The following DLGAP2 variants were observed in gnomAD, a reference collection of about 807,000 sequenced individuals.
DLGAP2 encodes the protein DLG associated protein 2, also known as disks large-associated protein 2.
In DLGAP2, 26 loss-of-function variants were observed where a neutral mutation model predicts 100.3. The observed-to-expected ratio is 0.26, with a 90% CI of 0.19 to 0.36. The LOEUF (loss-of-function observed/expected upper bound fraction) is 0.36. Among genes scored for constraint, DLGAP2 ranks in the 10% least tolerant of loss-of-function variants. The probability of loss-of-function intolerance (pLI) is 1.00; values close to 1 mark genes in which losing one functional copy is unlikely to be tolerated. For missense variants in DLGAP2, 1,858 were observed against 1,453.2 expected, an observed-to-expected ratio of 1.28 and a Z score of -4.53; for synonymous variants, 886 against 630.1, an observed-to-expected ratio of 1.41 and a Z score of -6.08.
chr8:1,331,911 G>A (rs979316921), intron 3 of DLGAP2, among the ~76,000 whole-genome samples: 3 of 152,196 alleles, frequency 2.0e-5, no homozygotes, highest in Non-Finnish European at 2.9e-5. Context: ...AGGGAGCCAT[G>A]TGTCAGCAAA....
At chr8:1,694,856 CT>C (rs56181723) in intron 13 of DLGAP2, among the ~76,000 whole-genome samples, 7,447 of 148,370 alleles carry the variant, frequency 0.05, 228 homozygotes, top group Non-Finnish European at 0.055. Flanking sequence ...CAACCATTGA[CT>C]TTTTTTTTTT....
chr8:1,183,197 G>C (rs1381681247), intron 2 of DLGAP2, among the ~76,000 whole-genome samples: 11 of 152,174 alleles, frequency 7.2e-5, no homozygotes, highest in Non-Finnish European at 1.6e-4. Context: ...GGAGCCGAGA[G>C]GGCGTCTCGG....
chr8:838,787 C>A (rs1169623432), intron 1 of DLGAP2, among the ~76,000 whole-genome samples: 3 of 152,208 alleles, frequency 2.0e-5, no homozygotes, highest in African/African-American at 7.2e-5. Context: ...GCTTGCACAT[C>A]ATGGCTGACG....
At chr8:1,492,819 T>G in intron 3 of DLGAP2, among the ~76,000 whole-genome samples, 1 of 152,078 alleles carries the variant, frequency 6.6e-6, no homozygotes, top group African/African-American at 2.4e-5. Context: ...AAGGGCTGTG[T>G]ACGACCACGG....
chr8:1,183,895 G>C (rs1412471061), intron 2 of DLGAP2, among the ~76,000 whole-genome samples: 1 of 152,194 alleles, frequency 6.6e-6, no homozygotes, highest in Non-Finnish European at 1.5e-5. Context: ...CTGAGCCTTT[G>C]TCTATTTATC....
At chr8:811,679 G>C (rs374392766) in intron 1 of DLGAP2, among the ~76,000 whole-genome samples, 2 of 143,498 alleles carry the variant, frequency 1.4e-5, no homozygotes, top group Non-Finnish European at 3.0e-5. Flanking sequence ...GGCTCCTGCC[G>C]TGGTGAGAGG....
intron 2 of DLGAP2, among the ~76,000 whole-genome samples, chr8:1,228,065 C>T (rs1286619085): frequency 6.6e-6 from 1 of 151,648 alleles, no homozygotes; most frequent in East Asian, 1.9e-4. Flanking sequence ...ACATCACACA[C>T]TGGGGCCTGT....
chr8:1,258,804 G>A lies in DLGAP2; in HGVS notation c.74-47G>A, dbSNP rs1255546995. The A allele has an allele frequency of 8.9e-6, 11 of 1,230,114 alleles. No individual in the cohort carries two copies. In the Middle Eastern group the frequency reaches 9.3e-4, roughly 104 times the overall value. 76.2% of individuals were successfully genotyped at this position (1,230,114 alleles called of 1,614,324 possible). A position where few individuals can be genotyped will look rare whatever the true frequency, so the allele number is the denominator to read the frequency against. ...GATGTTGAATCTTTTTAACTGCATG[G>A]TTGAGACCCTGTGGGTGTAACAGCT... On this transcript the variant is annotated intron_variant, in intron 2 of 14. Coordinates refer to ENST00000637795, the MANE Select transcript of DLGAP2 (RefSeq NM_001346810.2).
chr8:1,463,101 T>A (rs1308347280), intron 3 of DLGAP2, among the ~76,000 whole-genome samples: 1 of 151,974 alleles, frequency 6.6e-6, no homozygotes, highest in Non-Finnish European at 1.5e-5. Flanking sequence ...ATACAAAAAT[T>A]AGCCTGGCGT....
chr8:1,453,139 G>A (rs907256018), intron 3 of DLGAP2, among the ~76,000 whole-genome samples: 7 of 152,052 alleles, frequency 4.6e-5, no homozygotes, highest in South Asian at 4.1e-4. Context: ...GAAGGGGAAC[G>A]TCGCAGGTAT....
At chr8:828,030 A>T (rs926154948) in intron 1 of DLGAP2, among the ~76,000 whole-genome samples, 6 of 152,174 alleles carry the variant, frequency 3.9e-5, no homozygotes, top group African/African-American at 1.4e-4. Context: ...GTATATGAAT[A>T]GGTGTGGGTG....
chr8:1,583,308 C>T (rs554520103), intron 6 of DLGAP2, among the ~76,000 whole-genome samples: 50 of 152,230 alleles, frequency 3.3e-4, no homozygotes, highest in Admixed American at 9.2e-4. Flanking sequence ...TATTGATGGA[C>T]GCATCTGAGA....
intron 14 of DLGAP2, among the ~76,000 whole-genome samples, chr8:1,698,097 G>C (rs769713802): frequency 6.6e-6 from 1 of 152,230 alleles, no homozygotes; most frequent in Non-Finnish European, 1.5e-5. Context: ...TCATGAGAAC[G>C]AGAGCCAGAT....
chr8:766,157 A>C (rs1204184217), intron 1 of DLGAP2, among the ~76,000 whole-genome samples: 1 of 152,062 alleles, frequency 6.6e-6, no homozygotes, highest in African/African-American at 2.4e-5. Flanking sequence ...ACAGAGCGAG[A>C]CTCTGTCTCA....
chr8:827,438 G>A (rs988605738), intron 1 of DLGAP2, among the ~76,000 whole-genome samples: 4 of 152,154 alleles, frequency 2.6e-5, no homozygotes, highest in Non-Finnish European at 5.9e-5. Context: ...ATGTCTTTGA[G>A]ACAACCCACT....
At chr8:749,149 C>A (rs1266765504) in intron 1 of DLGAP2, among the ~76,000 whole-genome samples, 1 of 152,156 alleles carries the variant, frequency 6.6e-6, no homozygotes, top group Non-Finnish European at 1.5e-5. Flanking sequence ...CAGGTGCACA[C>A]CACCACACTT....
At chr8:1,591,253 G>A (rs1470837475) in intron 6 of DLGAP2, among the ~76,000 whole-genome samples, 1 of 151,942 alleles carries the variant, frequency 6.6e-6, no homozygotes, top group Non-Finnish European at 1.5e-5. Flanking sequence ...GGGAATTACA[G>A]GGAAGGGAGG....
intron 8 of DLGAP2, among the ~76,000 whole-genome samples, chr8:1,649,675 G>T (rs117108829): frequency 0.035 from 5,371 of 152,058 alleles, 136 homozygotes; most frequent in South Asian, 0.07. Flanking sequence ...TATCTATGAA[G>T]GTAGGAAAAA....
At chr8:1,198,073 G>T (rs1267198223) in intron 2 of DLGAP2, among the ~76,000 whole-genome samples, 1 of 152,082 alleles carries the variant, frequency 6.6e-6, no homozygotes, top group African/African-American at 2.4e-5. Flanking sequence ...CAATTCTGTG[G>T]ACTGTTACCT....
Sources: allele counts gnomAD v4.1 joint callset (sites outside exome capture counted in the v4.1 genomes callset), GRCh38; gene constraint gnomAD v4.1.1; transcripts MANE v1.5; gene names NCBI Gene and HGNC (gene_info 2026-07-23, HGNC 2026-07-21).